The following RERG variants were observed in gnomAD, a reference collection of about 807,000 sequenced individuals.
The protein encoded by RERG is ras-related and estrogen-regulated growth inhibitor.
Under a neutral mutation model 23.2 loss-of-function variants are expected in RERG, and 25 were observed. The ratio of observed to expected loss-of-function variants is 1.08; its 90% confidence interval spans 0.79 to 1.50. The LOEUF is 1.50. Ranked by LOEUF, RERG falls within the 40% of genes most tolerant of loss-of-function variation. RERG has a pLI of 0.00. For missense variants in RERG, 253 were observed against 250.1 expected (o/e 1.01, Z -0.08); for synonymous variants, 81 against 89.1 (o/e 0.91, Z 0.51).
At chr12:15,130,304 T>C (rs1431411426) in intron 2 of RERG, among the ~76,000 whole-genome samples, 2 of 152,150 alleles carry the variant, frequency 1.3e-5, no homozygotes, top group African/African-American at 2.4e-5. Context: ...ATGGTCCAGG[T>C]AGATAGTTTA....
chr12:15,161,202 GA>G (rs1209593268), intron 2 of RERG, among the ~76,000 whole-genome samples: 3 of 146,116 alleles, frequency 2.1e-5, no homozygotes, highest in African/African-American at 7.7e-5. Flanking sequence ...AAGAAAGAAA[GA>G]AAGAAAGAAA....
At chr12:15,133,278 C>T (rs1381497189) in intron 2 of RERG, among the ~76,000 whole-genome samples, 2 of 151,558 alleles carry the variant, frequency 1.3e-5, no homozygotes, top group African/African-American at 4.9e-5. Flanking sequence ...TTAACAATCT[C>T]TGATCGTTTT....
intron 2 of RERG, among the ~76,000 whole-genome samples, chr12:15,147,943 C>G (rs1864361879): frequency 6.6e-6 from 1 of 152,040 alleles, no homozygotes; most frequent in Non-Finnish European, 1.5e-5. Flanking sequence ...GAAGAGTGTC[C>G]AAATCTCGAA....
At position 15,201,159 on chromosome 12, in the gene RERG, G is replaced by T. The variant is rs77361870; in HGVS notation, c.61+16270C>A. On this transcript the variant is annotated intron_variant, in intron 2 of 4. Transcript: ENST00000256953. ...CACTTTTTTTCTAGCAATGGCTCAG[G>T]TTAAGTACTTTTCATGGATACTGAT... Among the ~76,000 whole-genome samples, 334 of 151,942 alleles carry T rather than the reference G, an allele frequency of 2.2e-3. 2 individuals are homozygous for T. Among genetic ancestry groups the T allele is most frequent in the Non-Finnish European group, 3.6e-3 (243 of 67,820 alleles).
At chr12:15,212,280 C>T (rs949286953) in intron 2 of RERG, among the ~76,000 whole-genome samples, 3 of 150,210 alleles carry the variant, frequency 2.0e-5, no homozygotes, top group Admixed American at 1.3e-4. Flanking sequence ...AGGATGGTCT[C>T]GATCTCCTGA....
rs1253221177 is a variant in RERG at position 15,109,295 on chromosome 12, C to G, written c.415G>C (p.Glu139Gln). 1 of 1,614,036 alleles carries G rather than the reference C, an allele frequency of 6.2e-7. No homozygotes were observed. Among genetic ancestry groups the G allele is most frequent in the Non-Finnish European group, 8.5e-7 (1 of 1,180,032 alleles). The change falls in exon 5 of 5, where the codon GAA (glutamate) becomes CAA (glutamine). Residue 139 changes from glutamate (E) to glutamine (Q), a missense_variant. Transcript: ENST00000256953. ...CACTCGTAAAAAGCACAAGCCAATTCTGTGGCCAGCTTCTCTCCTTCTTCT... is the reference window on the plus strand; with the variant it reads ...CACTCGTAAAAAGCACAAGCCAATTGTGTGGCCAGCTTCTCTCCTTCTTCT... ...STEEGEKLAT[E>Q]LACAFYECSA...
At chr12:15,155,995 TAA>T (rs35176954) in intron 2 of RERG, among the ~76,000 whole-genome samples, 4 of 133,908 alleles carry the variant, frequency 3.0e-5, no homozygotes, top group Admixed American at 7.5e-5. Flanking sequence ...TAAAGTATAA[TAA>T]AAAAATATAT....
chr12:15,152,881 G>A (rs1022005379), intron 2 of RERG, among the ~76,000 whole-genome samples: 1 of 151,944 alleles, frequency 6.6e-6, no homozygotes, highest in African/African-American at 2.4e-5. Flanking sequence ...ATATAACACT[G>A]CTTTTTACTT....
chr12:15,172,416 T>C (rs986573699), intron 2 of RERG, among the ~76,000 whole-genome samples: 2 of 152,144 alleles, frequency 1.3e-5, no homozygotes, highest in African/African-American at 4.8e-5. Context: ...TGGGCTATTA[T>C]GAATAATTCT....
intron 2 of RERG, among the ~76,000 whole-genome samples, chr12:15,186,595 GAAGGAGGAAGTGAAA>G (rs1485094704): frequency 6.6e-6 from 1 of 152,108 alleles, no homozygotes; most frequent in African/African-American, 2.4e-5. Context: ...TGGAAGAAGA[GAAGGAGGAAGTGAAA>G]AAGGAGGAGG....
chr12:15,135,986 G>A (rs1864138296), intron 2 of RERG, among the ~76,000 whole-genome samples: 1 of 151,922 alleles, frequency 6.6e-6, no homozygotes, highest in African/African-American at 2.4e-5. Flanking sequence ...AAGATTTTTT[G>A]CTTAAATGAT....
chr12:15,166,510 GGT>G, intron 2 of RERG, among the ~76,000 whole-genome samples: 1 of 147,810 alleles, frequency 6.8e-6, no homozygotes, highest in Middle Eastern at 3.4e-3. Context: ...TGGGGATGGT[GGT>G]GATGGTGGTG....
chr12:15,154,095 G>A (rs1171878773), intron 2 of RERG: 2 of 152,168 alleles, frequency 1.3e-5, no homozygotes, highest in Non-Finnish European at 2.9e-5. Flanking sequence ...CTGACGCCTT[G>A]ATTTTGGAGT....
intron 2 of RERG, among the ~76,000 whole-genome samples, chr12:15,209,126 C>T (rs552906221): frequency 3.4e-4 from 51 of 152,214 alleles, no homozygotes; most frequent in African/African-American, 5.8e-4. Context: ...CCTTCAGTAG[C>T]GGACAGCCAG....
chr12:15,138,665 T>A (rs1234851130), intron 2 of RERG, among the ~76,000 whole-genome samples: 1 of 152,078 alleles, frequency 6.6e-6, no homozygotes. Context: ...ATTTTTTTCT[T>A]ATTGTTGTTT....
intron 2 of RERG, among the ~76,000 whole-genome samples, chr12:15,144,339 T>C (rs1160602736): frequency 3.3e-5 from 5 of 152,156 alleles, no homozygotes; most frequent in African/African-American, 1.2e-4. Context: ...TTTGCAAATT[T>C]GTCAGTATAA....
rs897954012 is a variant in RERG at position 15,109,662 on chromosome 12, T to C, written c.193-145A>G. 20 of 609,046 alleles carry C rather than the reference T, an allele frequency of 3.3e-5. No individual in the cohort carries two copies. In the Middle Eastern group the frequency reaches 8.4e-4, roughly 26 times the overall value. 37.7% of individuals were successfully genotyped at this position (609,046 alleles called of 1,614,324 possible). On this transcript the variant is annotated intron_variant, in intron 4 of 4. Coordinates refer to ENST00000256953, the MANE Select transcript of RERG (RefSeq NM_032918.3). ...CGTGGTACTCTAATTGTACAAACTTTCTAAATAATTTTAAATACAGTCATG... is the reference window on the plus strand; with the variant it reads ...CGTGGTACTCTAATTGTACAAACTTCCTAAATAATTTTAAATACAGTCATG...
intron 2 of RERG, among the ~76,000 whole-genome samples, chr12:15,201,086 A>G (rs1865208941): frequency 6.6e-6 from 1 of 151,932 alleles, no homozygotes; most frequent in Non-Finnish European, 1.5e-5. Flanking sequence ...AGGTAAGGCC[A>G]TAAGATCTTT....
At chr12:15,207,516 C>T (rs752971810) in intron 2 of RERG, among the ~76,000 whole-genome samples, 15 of 152,122 alleles carry the variant, frequency 9.9e-5, no homozygotes, top group Non-Finnish European at 1.8e-4. Flanking sequence ...ATTATGTTGT[C>T]TCTTATCCTG....
Sources: gnomAD v4.1 joint callset for allele counts (sites outside exome capture counted in the v4.1 genomes callset) on GRCh38, gnomAD v4.1.1 for gene constraint, MANE v1.5 for transcripts, NCBI Gene and HGNC (gene_info 2026-07-23, HGNC 2026-07-21) for gene names.